Variants in PATE4 observed in about 807,000 individuals in gnomAD.
The protein encoded by PATE4 is prostate and testis expressed 4, also known as prostate and testis expressed protein 4.
Under a neutral mutation model 8.5 loss-of-function variants are expected in PATE4, and 13 were observed. The observed-to-expected ratio is 1.53, with a 90% CI of 1.00 to 2.43. The LOEUF is 2.43. PATE4 is among the 30% of genes most tolerant of loss of function. The pLI is 0.00. For missense variants in PATE4, 127 were observed against 115.5 expected (o/e 1.10, Z -0.46); for synonymous variants, 47 against 39.3 (o/e 1.20, Z -0.73).
In PATE4 at chr11:125,838,651, T is replaced by C. The variant is rs1279099075; in HGVS notation, c.*224T>C. On this transcript the variant is annotated 3_prime_UTR_variant, in exon 3 of 3. Coordinates refer to ENST00000457514, the MANE Select transcript of PATE4 (RefSeq NM_001144874.1). ...AAACAAAATCCTCCATGAGCTATGC[T>C]TATTCTTTTGTCTTCTACTCCTGAT... 2.2e-6 allele frequency: 1 copy of C among 447,946 alleles called. No homozygotes were observed. The highest frequency in any genetic ancestry group is 3.9e-6 in the Non-Finnish European group (1 of 258,324). The allele number at this position is 447,946 out of a possible 1,614,324, so 27.7% of individuals were successfully genotyped here. A position where few individuals can be genotyped will look rare whatever the true frequency, so the allele number is the denominator to read the frequency against.
chr11:125,833,958 G>A (rs1943903878), intron 1 of PATE4, among the ~76,000 whole-genome samples: 1 of 151,984 alleles, frequency 6.6e-6, no homozygotes, highest in South Asian at 2.1e-4. Context: ...TCCTACACTT[G>A]GAAGTCACCC....
rs1321119803 is a variant in PATE4 at position 125,838,850 on chromosome 11, C to G, written c.*423C>G. ...TATCTGGGGGGGCCCTAAGTGGAAT[C>G]AAAATGCAAAATGCAATAAGATGCA... On this transcript the variant is annotated 3_prime_UTR_variant, in exon 3 of 3. Transcript: ENST00000457514. 1 of 156,898 alleles carries G rather than the reference C, an allele frequency of 6.4e-6. No individual in the cohort carries two copies. The highest frequency in any genetic ancestry group is 2.4e-5 in the African/African-American group (1 of 41,518). The allele number at this position is 156,898 out of a possible 1,614,324, so 9.7% of individuals were successfully genotyped here.
chr11:125,838,392 C>A lies in PATE4; in HGVS notation c.262C>A (p.Leu88Met). The A allele has an allele frequency of 6.4e-7, 1 of 1,551,214 alleles. No homozygotes were observed. Among genetic ancestry groups the A allele is most frequent in the Non-Finnish European group, 8.7e-7 (1 of 1,146,810 alleles). The stretch of plus-strand genomic sequence containing the variant: ...CAAAAGAGGCCTGTTGAGAGTGACA[C>A]TGTGCTGTGACAGAAACTTCTGTAA... Reference protein sequence around the residue: ...SSKRGLLRVTLCCDRNFCNVF With the variant: ...SSKRGLLRVTMCCDRNFCNVF Residue 88 changes from leucine to methionine, a missense_variant, in exon 3 of 3, where the codon CTG (leucine) becomes ATG (methionine). Leu to Met is a conservative substitution (Grantham distance 15). Coordinates refer to ENST00000457514, the MANE Select transcript of PATE4 (RefSeq NM_001144874.1).
intron 1 of PATE4, among the ~76,000 whole-genome samples, chr11:125,836,769 T>C (rs1282794590): frequency 6.6e-6 from 1 of 152,208 alleles, no homozygotes; most frequent in Non-Finnish European, 1.5e-5. Context: ...TAAACACGTT[T>C]ATCTTTGCAT....
At chr11:125,836,098 C>G (rs934542004) in intron 1 of PATE4, among the ~76,000 whole-genome samples, 2 of 145,752 alleles carry the variant, frequency 1.4e-5, no homozygotes, top group African/African-American at 5.1e-5. Context: ...CCAGATTATT[C>G]TTATGCCCGA....
In PATE4 at chr11:125,838,499, T is replaced by A. The variant is rs979405881; in HGVS notation, c.*72T>A. 9 of 1,457,692 alleles carry A rather than the reference T, an allele frequency of 6.2e-6. No homozygotes were observed. The African/African-American group carries it at 1.3e-4, about 21-fold the overall frequency. 90.3% of individuals were successfully genotyped at this position (1,457,692 alleles called of 1,614,324 possible). A position where few individuals can be genotyped will look rare whatever the true frequency, so the allele number is the denominator to read the frequency against. On this transcript the variant is annotated 3_prime_UTR_variant, in exon 3 of 3. Transcript: ENST00000457514. ...CAAGACCAACCAACATGAACTGTTT[T>A]ATTTCCCACACCAAATTCCACACTG...
intron 1 of PATE4, chr11:125,835,562 A>T (rs1943914081): frequency 6.6e-6 from 1 of 152,162 alleles, no homozygotes; most frequent in Non-Finnish European, 1.5e-5. Context: ...GCTGCAGGAA[A>T]TACACCACTC....
In PATE4 at chr11:125,838,559, C is replaced by G; in HGVS notation, c.*132C>G. On this transcript the variant is annotated 3_prime_UTR_variant, in exon 3 of 3. Coordinates refer to ENST00000457514, the MANE Select transcript of PATE4 (RefSeq NM_001144874.1). Reference sequence around the variant, plus strand: ...CCCAGAGAGAGCTGCAGGGGCTGTCCTCATTGCAATGAAGGGGCTCCCCAC... The same window carrying G: ...CCCAGAGAGAGCTGCAGGGGCTGTCGTCATTGCAATGAAGGGGCTCCCCAC... 2 of 1,134,616 alleles carry G rather than the reference C, an allele frequency of 1.8e-6. No individual in the cohort carries two copies. Among genetic ancestry groups the G allele is most frequent in the Non-Finnish European group, 2.4e-6 (2 of 848,312 alleles). 70.3% of individuals were successfully genotyped at this position (1,134,616 alleles called of 1,614,324 possible).
intron 1 of PATE4, among the ~76,000 whole-genome samples, chr11:125,836,440 C>T (rs559080151): frequency 7.9e-5 from 12 of 152,294 alleles, no homozygotes; most frequent in African/African-American, 1.4e-4. Flanking sequence ...TGTCTCATAG[C>T]ACAACCCACT....
At chr11:125,834,688 TTATAGA>T (rs1437690701) in intron 1 of PATE4, among the ~76,000 whole-genome samples, 1 of 152,174 alleles carries the variant, frequency 6.6e-6, no homozygotes, top group Non-Finnish European at 1.5e-5. Flanking sequence ...TGAAATTATC[TTATAGA>T]TATACTCCCA....
rs911441857 is a variant in PATE4 at position 125,833,418 on chromosome 11, G to C, written c.58+1G>C. 9.7e-6 allele frequency: 15 copies of C among 1,551,228 alleles called. No homozygotes were observed. In the African/African-American group the frequency reaches 1.4e-4, roughly 14 times the overall value. On this transcript the variant is annotated splice_donor_variant, in intron 1 of 2. Transcript: ENST00000457514. LOFTEE classifies it high-confidence loss of function. ...TTATCTTTTCTCTACCTCAAAGAGG[G>C]TAAGTTTGAACAATGGGGGTGGAGG...
chr11:125,835,622 A>T (rs1943914605), intron 1 of PATE4: 1 of 152,166 alleles, frequency 6.6e-6, no homozygotes, highest in Non-Finnish European at 1.5e-5. Context: ...ATCCTGAAGA[A>T]CCCGCAAATG....
At chr11:125,836,283 C>T (rs1943919416) in intron 1 of PATE4, among the ~76,000 whole-genome samples, 1 of 152,066 alleles carries the variant, frequency 6.6e-6, no homozygotes, top group Non-Finnish European at 1.5e-5. Flanking sequence ...CCCACGTTGA[C>T]CTGCTAGATA....
At chr11:125,834,282 C>A (rs557236202) in intron 1 of PATE4, among the ~76,000 whole-genome samples, 3 of 152,074 alleles carry the variant, frequency 2.0e-5, no homozygotes, top group Non-Finnish European at 4.4e-5. Context: ...AAATGCAACT[C>A]ACATCAAACA....
intron 2 of PATE4, 28 bp from the exon 3 acceptor site, chr11:125,838,278 C>T (rs1389442911): frequency 1.3e-6 from 2 of 1,521,060 alleles, no homozygotes; most frequent in East Asian, 2.5e-5. Context: ...TCTCCTCCAG[C>T]ATTTATAACA....
intron 2 of PATE4, 93 bp downstream of exon 2, chr11:125,838,077 T>A: frequency 9.1e-7 from 1 of 1,094,374 alleles, no homozygotes; most frequent in Non-Finnish European, 1.3e-6. Context: ...CATTTAGCTC[T>A]GCTAGGAGGT....
At position 125,838,485 on chromosome 11, in the gene PATE4, A is replaced by G; in HGVS notation, c.*58A>G. 6.7e-7 allele frequency: 1 copy of G among 1,491,370 alleles called. No individual in the cohort carries two copies. The highest frequency in any genetic ancestry group is 8.9e-7 in the Non-Finnish European group (1 of 1,122,692). 92.4% of individuals were successfully genotyped at this position (1,491,370 alleles called of 1,614,324 possible). A position where few individuals can be genotyped will look rare whatever the true frequency, so the allele number is the denominator to read the frequency against. On this transcript the variant is annotated 3_prime_UTR_variant, in exon 3 of 3. Coordinates refer to ENST00000457514, the MANE Select transcript of PATE4 (RefSeq NM_001144874.1). ...TCAAGATCCAGAATCAAGACCAACC[A>G]ACATGAACTGTTTTATTTCCCACAC...
rs1404750534 is a variant in PATE4 at position 125,834,151 on chromosome 11, GT to G, written c.58+737del. ...ATTATAAGAAAATGTGACATAATTT[GT>G]TTGTAAGCTTAGAAATGAGAAAGAC... On this transcript the variant is annotated intron_variant, in intron 1 of 2. Transcript: ENST00000457514. Among the ~76,000 whole-genome samples the G allele has an allele frequency of 6.6e-5, 10 of 152,260 alleles. No homozygotes were observed. In the East Asian group the frequency reaches 1.9e-3, roughly 29 times the overall value.
chr11:125,837,163 T>C (rs947872880), intron 1 of PATE4, among the ~76,000 whole-genome samples: 11 of 152,174 alleles, frequency 7.2e-5, no homozygotes, highest in Non-Finnish European at 1.3e-4. Flanking sequence ...TTCCCCATCA[T>C]CACCATCACT....
Sources: allele counts gnomAD v4.1 joint callset (sites outside exome capture counted in the v4.1 genomes callset), GRCh38; gene constraint gnomAD v4.1.1; transcripts MANE v1.5; gene names NCBI Gene and HGNC (gene_info 2026-07-23, HGNC 2026-07-21).